Variants in SLIT3 observed in about 807,000 individuals in gnomAD.
The protein encoded by SLIT3 is slit homolog 3 protein.
A neutral mutation model predicts 184.0 loss-of-function variants in SLIT3; 68 were observed. The ratio of observed to expected loss-of-function variants is 0.37; its 90% CI spans 0.30 to 0.45. The LOEUF is 0.45. SLIT3 is among the 20% of genes least tolerant of loss of function. SLIT3 has a pLI of 1.00. For missense variants in SLIT3, 1,707 were observed against 2,026.0 expected, an observed-to-expected ratio of 0.84 and a Z score of 3.02; for synonymous variants, 831 against 828.6, an observed-to-expected ratio of 1.00 and a Z score of -0.05.
At chr5:168,999,110 C>G (rs1755613738) in intron 4 of SLIT3, among the ~76,000 whole-genome samples, 1 of 152,104 alleles carries the variant, frequency 6.6e-6, no homozygotes, top group South Asian at 2.1e-4. Context: ...GAGACAGAGT[C>G]TCACTACATT....
In SLIT3 at chr5:169,054,070, G is replaced by A. The variant is rs147324840; in HGVS notation, c.413+139409C>T. 1.1e-3 allele frequency among the ~76,000 whole-genome samples: 160 copies of A among 152,174 alleles called. 2 individuals are homozygous for A. Among genetic ancestry groups the A allele is most frequent in the African/African-American group, 3.8e-3 (156 of 41,508 alleles). On this transcript the variant is annotated intron_variant, in intron 4 of 35. Transcript: ENST00000519560. ...CATGCCACTGCACTCCAGCCTGGTT[G>A]ACAGAGTGAGACTCTCTCTCAAGAA...
intron 34 of SLIT3, among the ~76,000 whole-genome samples, chr5:168,670,286 G>T (rs1761196893): frequency 6.6e-6 from 1 of 152,150 alleles, no homozygotes; most frequent in South Asian, 2.1e-4. Flanking sequence ...CTGCTTGAAA[G>T]AATCTAGCCA....
Position 169,110,768 on chromosome 5 carries a change from A to G in SLIT3, c.413+82711T>C, listed in dbSNP as rs924932586. 3.9e-5 allele frequency among the ~76,000 whole-genome samples: 6 copies of G among 152,212 alleles called. No homozygotes were observed. In the South Asian group the frequency reaches 1.2e-3, roughly 32 times the overall value. ...ACCTGGACTATTGTAATAGCTTCCT[A>G]ACGGGTCTCCCATTTTTGCAGCGTA... is the stretch of plus-strand genomic sequence containing the variant. On this transcript the variant is annotated intron_variant, in intron 4 of 35. Coordinates refer to ENST00000519560, the MANE Select transcript of SLIT3 (RefSeq NM_003062.4).
At chr5:168,890,501 A>T (rs923652556) in intron 4 of SLIT3, among the ~76,000 whole-genome samples, 5 of 152,200 alleles carry the variant, frequency 3.3e-5, no homozygotes, top group Middle Eastern at 3.2e-3. Flanking sequence ...TAGACCATGA[A>T]CCTTGCTATG....
At chr5:169,255,164 T>A (rs904504455) in intron 1 of SLIT3, among the ~76,000 whole-genome samples, 1 of 152,238 alleles carries the variant, frequency 6.6e-6, no homozygotes. Flanking sequence ...TTGATAATAA[T>A]AAGTGACTGT....
At chr5:168,993,818 T>C (rs2113395424) in intron 4 of SLIT3, among the ~76,000 whole-genome samples, 1 of 152,370 alleles carries the variant, frequency 6.6e-6, no homozygotes, top group South Asian at 2.1e-4. Flanking sequence ...AGCCACGTGA[T>C]CAAAATCATC....
chr5:168,843,360 C>T (rs957401802), intron 6 of SLIT3, among the ~76,000 whole-genome samples: 3 of 152,138 alleles, frequency 2.0e-5, no homozygotes, highest in African/African-American at 7.2e-5. Flanking sequence ...TATTCATTCA[C>T]CTGTTTATTT....
intron 4 of SLIT3, among the ~76,000 whole-genome samples, chr5:168,966,819 G>A (rs886850563): frequency 4.6e-5 from 7 of 152,256 alleles, no homozygotes; most frequent in South Asian, 2.1e-4. Flanking sequence ...CCCCATGAAC[G>A]TGAGGACAGA....
intron 4 of SLIT3, among the ~76,000 whole-genome samples, chr5:169,102,733 C>T (rs1455548773): frequency 1.3e-5 from 2 of 152,080 alleles, no homozygotes; most frequent in African/African-American, 4.8e-5. Context: ...ACATGATTTT[C>T]AAGGCTGGAA....
chr5:169,187,869 T>C (rs11743470), intron 4 of SLIT3, among the ~76,000 whole-genome samples: 16,991 of 146,640 alleles, frequency 0.12, 1,025 homozygotes, highest in South Asian at 0.17. Flanking sequence ...GATAAATTCT[T>C]AAAAAAAAAA....
chr5:168,865,173 CAAAAAAAAAAAAAA>C (rs70979103), intron 5 of SLIT3, among the ~76,000 whole-genome samples: 4 of 56,298 alleles, frequency 7.1e-5, no homozygotes, highest in Non-Finnish European at 9.8e-5. Flanking sequence ...AACTCCGTCT[CAAAAAAAAAAAAAA>C]AAAAAAAAGA....
At chr5:168,772,087 C>T (rs1337391538) in intron 14 of SLIT3, 1 of 152,194 alleles carries the variant, frequency 6.6e-6, no homozygotes, top group Non-Finnish European at 1.5e-5. Flanking sequence ...CCAAGATAGG[C>T]TGAGAATTCC....
rs1761037751 is a variant in SLIT3 at position 168,666,254 on chromosome 5, TAAA to T, written c.*197_*199del. ...CAGATGGTGTAATATATTTATATAA[TAAA>T]AGATGAAAATAGTCACTTTCCATAA... On this transcript the variant is annotated 3_prime_UTR_variant, in exon 36 of 36. Coordinates refer to ENST00000519560, the MANE Select transcript of SLIT3 (RefSeq NM_003062.4). The T allele has an allele frequency of 2.1e-6, 1 of 482,744 alleles. No individual in the cohort carries two copies. The highest frequency in any genetic ancestry group is 3.6e-6 in the Non-Finnish European group (1 of 281,362). The allele number at this position is 482,744 out of a possible 1,614,324, so 29.9% of individuals were successfully genotyped here.
intron 20 of SLIT3, among the ~76,000 whole-genome samples, chr5:168,737,751 G>C (rs1581021826): frequency 6.6e-6 from 1 of 152,214 alleles, no homozygotes; most frequent in East Asian, 1.9e-4. Context: ...TTATGAAGAT[G>C]TAGGCTTTGC....
chr5:168,762,445 G>A, intron 15 of SLIT3, 94 bp downstream of exon 15: 1 of 1,374,444 alleles, frequency 7.3e-7, no homozygotes, highest in Non-Finnish European at 1.0e-6. Context: ...GACTGAGCCA[G>A]GAAGGGGTCA....
chr5:168,840,530 C>G (rs1758206131), intron 6 of SLIT3, among the ~76,000 whole-genome samples: 1 of 151,300 alleles, frequency 6.6e-6, no homozygotes, highest in South Asian at 2.1e-4. Flanking sequence ...CTCAGCCTGG[C>G]TGGTATGGGC....
intron 20 of SLIT3, among the ~76,000 whole-genome samples, chr5:168,736,408 C>T (rs534986151): frequency 3.3e-5 from 5 of 152,210 alleles, no homozygotes; most frequent in Non-Finnish European, 7.3e-5. Context: ...TGATCAACCC[C>T]TCCAGCTGGC....
At chr5:168,748,544 G>T in intron 19 of SLIT3, 110 bp from the exon 20 acceptor site, 1 of 1,118,862 alleles carries the variant, frequency 8.9e-7, no homozygotes, top group Non-Finnish European at 1.2e-6. Context: ...CCCTGTCCCC[G>T]CTGTGTTCTA....
chr5:169,043,565 C>T (rs1022255166), intron 4 of SLIT3, among the ~76,000 whole-genome samples: 1 of 152,250 alleles, frequency 6.6e-6, no homozygotes, highest in African/African-American at 2.4e-5. Flanking sequence ...ATCAAACTCT[C>T]TTTTGAAAAC....
Sources: gnomAD v4.1 joint callset for allele counts (sites outside exome capture counted in the v4.1 genomes callset) on GRCh38, gnomAD v4.1.1 for gene constraint, MANE v1.5 for transcripts, NCBI Gene and HGNC (gene_info 2026-07-23, HGNC 2026-07-21) for gene names.